The following LMX1A variants were observed in gnomAD, a reference collection of about 807,000 sequenced individuals.
The protein encoded by LMX1A is LIM homeobox transcription factor 1 alpha.
LMX1A carries 15 observed loss-of-function variants against 49.1 expected under a neutral mutation model. The ratio of observed to expected loss-of-function variants is 0.31; its 90% CI spans 0.20 to 0.47. The LOEUF (loss-of-function observed/expected upper bound fraction) is 0.47, where lower values mean the gene tolerates loss of function less well. LMX1A is among the 20% of genes least tolerant of loss of function. LMX1A has a pLI of 1.00. For synonymous variants in LMX1A, 167 were observed against 185.7 expected (o/e 0.90, Z 0.82); for missense variants, 372 against 475.8 (o/e 0.78, Z 2.03).
intron 4 of LMX1A, among the ~76,000 whole-genome samples, chr1:165,216,529 G>A (rs187449890): frequency 6.6e-6 from 1 of 152,298 alleles, no homozygotes; most frequent in Non-Finnish European, 1.5e-5. Context: ...CAAGAAAAGA[G>A]GCTGAGTCTG....
intron 3 of LMX1A, among the ~76,000 whole-genome samples, chr1:165,327,689 T>C (rs1162534675): frequency 6.6e-6 from 1 of 152,216 alleles, no homozygotes; most frequent in Non-Finnish European, 1.5e-5. Context: ...GAAGCTGGAC[T>C]GTAGGAGCCA....
intron 8 of LMX1A, among the ~76,000 whole-genome samples, chr1:165,205,006 C>T (rs1651016606): frequency 6.6e-6 from 1 of 151,160 alleles, no homozygotes; most frequent in Admixed American, 6.6e-5. Context: ...AATTTTTTTT[C>T]ATGAAGGCAA....
intron 3 of LMX1A, among the ~76,000 whole-genome samples, chr1:165,285,183 C>T (rs141948723): frequency 6.6e-6 from 1 of 152,264 alleles, no homozygotes; most frequent in East Asian, 1.9e-4. Flanking sequence ...TAAAATAATC[C>T]TCACCTCTGC....
At chr1:165,207,149 G>T (rs940769191) in intron 7 of LMX1A, among the ~76,000 whole-genome samples, 9 of 152,142 alleles carry the variant, frequency 5.9e-5, no homozygotes, top group Non-Finnish European at 1.3e-4. Context: ...TTATGAATTG[G>T]AATCTGCACC....
At chr1:165,304,692 G>C (rs1205376450) in intron 3 of LMX1A, among the ~76,000 whole-genome samples, 1 of 152,148 alleles carries the variant, frequency 6.6e-6, no homozygotes, top group African/African-American at 2.4e-5. Context: ...GGATCTCCAT[G>C]ATCTGACCCT....
chr1:165,294,571 T>C (rs554670944), intron 3 of LMX1A, among the ~76,000 whole-genome samples: 38 of 152,350 alleles, frequency 2.5e-4, no homozygotes, highest in South Asian at 1.0e-3. Context: ...CTTCTAATAA[T>C]TTAAGTTAAA....
intron 4 of LMX1A, among the ~76,000 whole-genome samples, chr1:165,248,361 G>T (rs1375907107): frequency 3.3e-5 from 5 of 152,164 alleles, no homozygotes; most frequent in African/African-American, 4.8e-5. Flanking sequence ...AGGGGGCTTG[G>T]AAATGGACTA....
At chr1:165,347,085 C>T (rs1463604480) in intron 3 of LMX1A, among the ~76,000 whole-genome samples, 5 of 152,134 alleles carry the variant, frequency 3.3e-5, no homozygotes, top group Non-Finnish European at 7.3e-5. Flanking sequence ...TAAAACACCT[C>T]ATATCATGCT....
At chr1:165,333,178 T>A (rs1655800221) in intron 3 of LMX1A, among the ~76,000 whole-genome samples, 1 of 152,248 alleles carries the variant, frequency 6.6e-6, no homozygotes, top group Non-Finnish European at 1.5e-5. Flanking sequence ...TGTTTTGATT[T>A]GTTTTGAGAC....
At chr1:165,249,193 G>T (rs1652962994) in intron 4 of LMX1A, among the ~76,000 whole-genome samples, 1 of 152,214 alleles carries the variant, frequency 6.6e-6, no homozygotes, top group East Asian at 1.9e-4. Context: ...CATGGAATTT[G>T]AGGGTAATTT....
chr1:165,274,300 G>A (rs1244654282), intron 3 of LMX1A, among the ~76,000 whole-genome samples: 2 of 152,136 alleles, frequency 1.3e-5, no homozygotes, highest in Non-Finnish European at 2.9e-5. Flanking sequence ...ATCTACCCTG[G>A]TTTATGTTAT....
intron 3 of LMX1A, among the ~76,000 whole-genome samples, chr1:165,289,580 A>G (rs1436208958): frequency 6.6e-6 from 1 of 152,286 alleles, no homozygotes; most frequent in Non-Finnish European, 1.5e-5. Flanking sequence ...AGGGCTGACA[A>G]TGAATTTACC....
chr1:165,318,540 C>T (rs1043197196), intron 3 of LMX1A, among the ~76,000 whole-genome samples: 6 of 152,132 alleles, frequency 3.9e-5, no homozygotes, highest in Non-Finnish European at 5.9e-5. Flanking sequence ...GATTGGTTAA[C>T]CCAGCTCACA....
At chr1:165,266,556 A>ACAT (rs1653622932) in intron 3 of LMX1A, among the ~76,000 whole-genome samples, 1 of 151,164 alleles carries the variant, frequency 6.6e-6, no homozygotes, top group Admixed American at 6.6e-5. Flanking sequence ...CAAAGAAGCA[A>ACAT]CATGCTGGAT....
In LMX1A at chr1:165,235,716, G is replaced by A. The variant is rs572948863; in HGVS notation, c.496+13692C>T. On this transcript the variant is annotated intron_variant, in intron 4 of 8. Coordinates refer to ENST00000342310, the MANE Select transcript of LMX1A (RefSeq NM_177398.4). The stretch of plus-strand genomic sequence containing the variant: ...CTTTGCTCCGCGGGAATTAAAGGAA[G>A]GAGAAATGTTAGTACACTTTTAATT... Among the ~76,000 whole-genome samples, 108 of 152,230 alleles carry A rather than the reference G, an allele frequency of 7.1e-4. 1 individual carries two copies. In the South Asian group the frequency reaches 0.013, roughly 18 times the overall value.
intron 3 of LMX1A, among the ~76,000 whole-genome samples, chr1:165,319,120 T>C (rs11809911): frequency 0.55 from 83,735 of 151,714 alleles, 23,496 homozygotes; most frequent in Non-Finnish European, 0.58. Flanking sequence ...CAACATTATA[T>C]TTTAATCAGT....
intron 3 of LMX1A, among the ~76,000 whole-genome samples, chr1:165,285,589 G>A (rs747905559): frequency 2.0e-5 from 3 of 152,132 alleles, no homozygotes; most frequent in African/African-American, 4.8e-5. Flanking sequence ...GGGCTTCCTC[G>A]GGAAGATTAT....
intron 3 of LMX1A, among the ~76,000 whole-genome samples, chr1:165,350,812 T>C (rs1420372024): frequency 1.3e-5 from 2 of 152,200 alleles, no homozygotes; most frequent in Non-Finnish European, 2.9e-5. Flanking sequence ...TGGAAATCTA[T>C]GGTTCCAAAA....
chr1:165,237,287 G>C (rs1437024484), intron 4 of LMX1A, among the ~76,000 whole-genome samples: 1 of 152,138 alleles, frequency 6.6e-6, no homozygotes, highest in Non-Finnish European at 1.5e-5. Flanking sequence ...GCAGTGGCAC[G>C]AACTCAGCTC....
Sources: gnomAD v4.1 joint callset for allele counts (sites outside exome capture counted in the v4.1 genomes callset) on GRCh38, gnomAD v4.1.1 for gene constraint, MANE v1.5 for transcripts, NCBI Gene and HGNC (gene_info 2026-07-23, HGNC 2026-07-21) for gene names.